Variants in FOXN3 observed in about 807,000 individuals in gnomAD.
FOXN3 encodes forkhead box N3, also known as forkhead box protein N3.
Under a neutral mutation model 38.4 loss-of-function variants are expected in FOXN3, and 7 were observed. The ratio of observed to expected loss-of-function variants is 0.18; its 90% confidence interval spans 0.10 to 0.34. The LOEUF is 0.34. Ranked by LOEUF, FOXN3 falls within the 10% of genes least tolerant of loss-of-function variation. The pLI, the probability that FOXN3 is intolerant of heterozygous loss-of-function variation, is 1.00. For synonymous variants in FOXN3, 230 were observed against 242.2 expected (o/e 0.95, Z 0.47); for missense variants, 456 against 613.4 (o/e 0.74, Z 2.71).
At chr14:89,298,065 A>G (rs1887100160) in intron 3 of FOXN3, among the ~76,000 whole-genome samples, 1 of 152,220 alleles carries the variant, frequency 6.6e-6, no homozygotes, top group Admixed American at 6.5e-5. Flanking sequence ...CTGTCCCTCG[A>G]TGGATGCATG....
At position 89,482,847 on chromosome 14, in the gene FOXN3, C is replaced by CTACA. The variant is rs200262035; in HGVS notation, c.-14-70361_-14-70358dup. Among the ~76,000 whole-genome samples, 800 of 150,158 alleles carry CTACA rather than the reference C, an allele frequency of 5.3e-3. 8 individuals carry two copies. The highest frequency in any genetic ancestry group is 0.019 in the African/African-American group (758 of 40,696). On this transcript the variant is annotated intron_variant, in intron 1 of 6. Transcript: ENST00000345097. The stretch of plus-strand genomic sequence containing the variant: ...ATCCCTTGAGCCCAGGAGTTCAAGG[C>CTACA]TACAGTGAGCCATGATCACACCACT...
intron 2 of FOXN3, among the ~76,000 whole-genome samples, chr14:89,381,050 G>A (rs765648868): frequency 2.8e-5 from 4 of 144,958 alleles, no homozygotes; most frequent in Admixed American, 1.5e-4. Flanking sequence ...GCTGAGGCAC[G>A]AGAATCACCT....
In FOXN3 at chr14:89,161,305, CT is replaced by C. The variant is rs201008151; in HGVS notation, c.*1108del. 95 of 135,256 alleles carry C rather than the reference CT, an allele frequency of 7.0e-4. No homozygotes were observed. Among genetic ancestry groups the C allele is most frequent in the Admixed American group, 1.2e-3 (16 of 13,476 alleles). The allele number at this position is 135,256 out of a possible 1,614,324, so 8.4% of individuals were successfully genotyped here. On this transcript the variant is annotated 3_prime_UTR_variant, in exon 6 of 6. Transcript: ENST00000557258. Reference sequence around the variant, plus strand: ...TTATTTTATTTTTTGCCATGTTTTACTTTTTTTTTTTGTCCATCAGTGTACC... The same window carrying C: ...TTATTTTATTTTTTGCCATGTTTTACTTTTTTTTTTGTCCATCAGTGTACC...
intron 2 of FOXN3, among the ~76,000 whole-genome samples, chr14:89,407,394 C>A (rs1042660435): frequency 2.6e-5 from 4 of 152,202 alleles, no homozygotes; most frequent in Non-Finnish European, 5.9e-5. Context: ...ACAGGGATAT[C>A]TGAATATGGA....
At chr14:89,360,716 TACCTCCACCACCACC>T (rs1359643613) in intron 2 of FOXN3, among the ~76,000 whole-genome samples, 4 of 93,318 alleles carry the variant, frequency 4.3e-5, no homozygotes, top group African/African-American at 1.6e-4. Flanking sequence ...CCTCCAGCAC[TACCTCCACCACCACC>T]ACCTCCAGCA....
upstream of FOXN3, among the ~76,000 whole-genome samples, chr14:89,420,991 T>A (rs935340815): frequency 6.6e-6 from 1 of 151,692 alleles, no homozygotes; most frequent in Admixed American, 6.6e-5. Flanking sequence ...TCAGAAATCA[T>A]TGCAGTAATT....
chr14:89,181,448 G>C (rs1038153990), intron 4 of FOXN3, among the ~76,000 whole-genome samples: 1 of 152,118 alleles, frequency 6.6e-6, no homozygotes, highest in Non-Finnish European at 1.5e-5. Context: ...TCTCGTAAAA[G>C]CCGATTTTAA....
chr14:89,553,996 GTTTT>G (rs905481179), intron 1 of FOXN3, among the ~76,000 whole-genome samples: 2 of 151,612 alleles, frequency 1.3e-5, no homozygotes, highest in African/African-American at 4.8e-5. Flanking sequence ...TTTCTTCTTC[GTTTT>G]TTTTGTTTTG....
intron 4 of FOXN3, among the ~76,000 whole-genome samples, chr14:89,244,674 C>T (rs1384469219): frequency 1.3e-5 from 2 of 152,222 alleles, no homozygotes; most frequent in Non-Finnish European, 2.9e-5. Flanking sequence ...ATTCCCCATA[C>T]TTAACTTGCT....
At chr14:89,168,045 C>A (rs937134052) in intron 5 of FOXN3, among the ~76,000 whole-genome samples, 6 of 152,102 alleles carry the variant, frequency 3.9e-5, no homozygotes, top group African/African-American at 1.4e-4. Context: ...TAAACCCAAG[C>A]CACAAGGAAT....
rs559453987 is a variant in FOXN3 at position 89,373,567 on chromosome 14, A to G, written c.544-22759T>C. On this transcript the variant is annotated intron_variant, in intron 2 of 5. Transcript: ENST00000557258. ...CAGCACAAAGCAGTGACCATTTTAC[A>G]TTTATTTGTGAGGTTGTGACTAATG... Among the ~76,000 whole-genome samples, 3 of 152,236 alleles carry G rather than the reference A, an allele frequency of 2.0e-5. No individual in the cohort carries two copies. In the East Asian group the frequency reaches 5.8e-4, roughly 29 times the overall value.
intron 1 of FOXN3, among the ~76,000 whole-genome samples, chr14:89,574,496 G>T (rs1895560575): frequency 6.6e-6 from 1 of 152,110 alleles, no homozygotes; most frequent in Admixed American, 6.5e-5. Flanking sequence ...CTTCTACCCA[G>T]GAAACAGGGA....
At chr14:89,248,368 C>T (rs192731262) in intron 4 of FOXN3, among the ~76,000 whole-genome samples, 2 of 152,212 alleles carry the variant, frequency 1.3e-5, no homozygotes, top group African/African-American at 4.8e-5. Context: ...TTTCCACCAA[C>T]AGGAGCAAAT....
upstream of FOXN3, chr14:89,417,633 C>T (rs1454164910): frequency 2.2e-6 from 1 of 453,518 alleles, no homozygotes; most frequent in African/African-American, 2.0e-5. Flanking sequence ...CCTACCCCAT[C>T]TGCATGCCTT....
intron 2 of FOXN3, among the ~76,000 whole-genome samples, chr14:89,362,773 A>T (rs1053103964): frequency 1.8e-5 from 2 of 113,526 alleles, no homozygotes; most frequent in Non-Finnish European, 3.7e-5. Flanking sequence ...CACCACCACC[A>T]CCACCACCAC....
intron 1 of FOXN3, among the ~76,000 whole-genome samples, chr14:89,437,614 C>T (rs917804501): frequency 6.6e-6 from 1 of 152,164 alleles, no homozygotes; most frequent in Non-Finnish European, 1.5e-5. Flanking sequence ...TTTACAAATG[C>T]CATGGCAACA....
chr14:89,455,332 G>A (rs538295362), intron 1 of FOXN3, among the ~76,000 whole-genome samples: 5 of 152,198 alleles, frequency 3.3e-5, no homozygotes, highest in Non-Finnish European at 7.3e-5. Flanking sequence ...GTCAGCCAAG[G>A]GAAAACCGTC....
chr14:89,363,970 ATATATATATATATATAT>A lies in FOXN3; in HGVS notation c.544-13179_544-13163del, dbSNP rs1566968965. On this transcript the variant is annotated intron_variant, in intron 2 of 5. Coordinates refer to ENST00000557258, the MANE Select transcript of FOXN3 (RefSeq NM_005197.4). The stretch of plus-strand genomic sequence containing the variant: ...AAAATATATATATATATATATATAT[ATATATATATATATATAT>A]AATATATATATATATTCTTCCATAT... 1.3e-4 allele frequency among the ~76,000 whole-genome samples: 7 copies of A among 53,130 alleles called. 1 individual carries two copies. Among genetic ancestry groups the A allele is most frequent in the East Asian group, 5.1e-4 (1 of 1,960 alleles). The allele number at this position is 53,130 out of a possible 152,430, so 34.9% of individuals were successfully genotyped here. A position where few individuals can be genotyped will look rare whatever the true frequency, so the allele number is the denominator to read the frequency against.
chr14:89,207,150 G>C (rs533886969), intron 4 of FOXN3, among the ~76,000 whole-genome samples: 6 of 152,172 alleles, frequency 3.9e-5, no homozygotes, highest in Non-Finnish European at 8.8e-5. Flanking sequence ...GAACCCGGGA[G>C]GTGCAGGTTG....
Sources: gnomAD v4.1 joint callset for allele counts (sites outside exome capture counted in the v4.1 genomes callset) on GRCh38, gnomAD v4.1.1 for gene constraint, MANE v1.5 for transcripts, NCBI Gene and HGNC (gene_info 2026-07-23, HGNC 2026-07-21) for gene names.